GABRP: variants seen among roughly 807,000 people sequenced by gnomAD.
The protein encoded by GABRP is gamma-aminobutyric acid receptor subunit pi.
In GABRP, 52 loss-of-function variants were observed where a neutral mutation model predicts 47.8. That is an observed-to-expected ratio of 1.09 (90% CI 0.87 to 1.37). The LOEUF is 1.37. Ranked by LOEUF, GABRP falls within the 40% of genes most tolerant of loss-of-function variation. GABRP has a pLI of 0.00. For synonymous variants in GABRP, 221 were observed against 205.8 expected (o/e 1.07, Z -0.63); for missense variants, 525 against 542.8 (o/e 0.97, Z 0.33).
chr5:170,809,372 A>AAACACAT (rs1416932025), intron 8 of GABRP, among the ~76,000 whole-genome samples, 196 bp from the exon 9 acceptor site: 1 of 152,236 alleles, frequency 6.6e-6, no homozygotes, highest in African/African-American at 2.4e-5. Flanking sequence ...CATTAAAAAA[A>AAACACAT]AACACATCCC....
rs1405020978 is a variant in GABRP, at chr5:170,807,996, CCATGGA to C, written c.680-600_680-595del. ...CAGGAGCAGAGCTTGGGACTCTAAC[CCATGGA>C]CATATATGTTTTGTGCTACAGTAGC... On this transcript the variant is annotated intron_variant, in intron 7 of 9. Coordinates refer to ENST00000265294, the MANE Select transcript of GABRP (RefSeq NM_014211.3). Among the ~76,000 whole-genome samples, 5 of 152,132 alleles carry C rather than the reference CCATGGA, an allele frequency of 3.3e-5. No homozygotes were observed. The East Asian group carries it at 9.6e-4, about 29-fold the overall frequency.
chr5:170,794,326 CA>C, intron 4 of GABRP, 28 bp downstream of exon 4: 1 of 1,397,802 alleles, frequency 7.2e-7, no homozygotes, highest in Non-Finnish European at 1.0e-6. Context: ...GTACTCTACC[CA>C]AGTAGTCCCT....
In GABRP at chr5:170,788,647, G is replaced by C; in HGVS notation, c.32G>C (p.Cys11Ser). ...TACAGCCTCCACTTGGCCTTCGTGTGTCTGAGTCTCTTCACTGAGAGGTGA... is the reference window on the plus strand; with the variant it reads ...TACAGCCTCCACTTGGCCTTCGTGTCTCTGAGTCTCTTCACTGAGAGGTGA... MNYSLHLAFV[C>S]LSLFTERMCI... Residue 11 changes from cysteine (C) to serine (S), a missense_variant, in exon 2 of 10, where the codon TGT becomes TCT. Transcript: ENST00000265294. The C allele has an allele frequency of 1.2e-6, 2 of 1,614,172 alleles. No homozygotes were observed. The highest frequency in any genetic ancestry group is 1.7e-6 in the Non-Finnish European group (2 of 1,180,026).
At chr5:170,792,634 GT>G (rs1354521178) in intron 3 of GABRP, among the ~76,000 whole-genome samples, 9 of 152,094 alleles carry the variant, frequency 5.9e-5, no homozygotes, top group Admixed American at 5.9e-4. Flanking sequence ...TTAGCACCAG[GT>G]CACTCCAGCA....
intron 6 of GABRP, among the ~76,000 whole-genome samples, chr5:170,802,895 C>T (rs902488673): frequency 1.3e-5 from 2 of 152,174 alleles, no homozygotes; most frequent in Non-Finnish European, 2.9e-5. Context: ...TGTTTGGGTA[C>T]AGAAACCTCA....
At chr5:170,804,392 T>C (rs1765673815) in intron 6 of GABRP, among the ~76,000 whole-genome samples, 1 of 152,158 alleles carries the variant, frequency 6.6e-6, no homozygotes, top group Non-Finnish European at 1.5e-5. Flanking sequence ...AGTGGAATGC[T>C]GGGTCAAATG....
upstream of GABRP, among the ~76,000 whole-genome samples, chr5:170,783,355 G>A (rs1034795964): frequency 6.6e-6 from 1 of 152,176 alleles, no homozygotes; most frequent in Non-Finnish European, 1.5e-5. Context: ...TAGATGGGAA[G>A]CTGAGGCCTA....
At chr5:170,793,262 C>T (rs889370459) in intron 3 of GABRP, among the ~76,000 whole-genome samples, 2 of 152,120 alleles carry the variant, frequency 1.3e-5, no homozygotes, top group South Asian at 2.1e-4. Context: ...TAACTTTTCC[C>T]AAATAAAGAA....
intron 1 of GABRP, among the ~76,000 whole-genome samples, 157 bp downstream of exon 1, chr5:170,784,031 C>A (rs1264301943): frequency 6.6e-6 from 1 of 152,160 alleles, no homozygotes; most frequent in African/African-American, 2.4e-5. Context: ...GCAGCAGAGC[C>A]AAGATTAGAG....
chr5:170,808,468 A>T, intron 7 of GABRP, 132 bp from the exon 8 acceptor site: 1 of 751,816 alleles, frequency 1.3e-6, no homozygotes, highest in Non-Finnish European at 2.1e-6. Flanking sequence ...TGGAAATCAT[A>T]ATGACAGTTC....
rs773215351 is a variant in GABRP, at chr5:170,797,475, A to G, written c.468A>G (p.Thr156=). 3 of 1,609,048 alleles carry G rather than the reference A, an allele frequency of 1.9e-6. No individual in the cohort carries two copies. In the East Asian group the frequency reaches 6.7e-5, roughly 36 times the overall value. Residue 156 remains threonine (T), a synonymous_variant, in exon 6 of 10, where the codon ACA becomes ACG. Coordinates refer to ENST00000265294, the MANE Select transcript of GABRP (RefSeq NM_014211.3). ...GTVLYALRIT[T]TVACNMDLSK... The stretch of plus-strand genomic sequence containing the variant: ...TGTTTTTCCCTCTTAGAATCACGAC[A>G]ACTGTTGCATGTAACATGGATCTGT...
At chr5:170,792,168 C>G (rs952291865) in intron 3 of GABRP, among the ~76,000 whole-genome samples, 2 of 152,154 alleles carry the variant, frequency 1.3e-5, no homozygotes, top group African/African-American at 4.8e-5. Context: ...ATAGGCCAAG[C>G]GCAGTGGCTC....
intron 5 of GABRP, 32 bp downstream of exon 5, chr5:170,795,457 G>C: frequency 6.4e-7 from 1 of 1,566,304 alleles, no homozygotes; most frequent in Non-Finnish European, 8.8e-7. Flanking sequence ...CAGGGGTGGA[G>C]GACGGCAGCT....
Position 170,785,693 on chromosome 5 carries a change from A to G in GABRP, c.-43+1819A>G, listed in dbSNP as rs148911235. On this transcript the variant is annotated intron_variant, in intron 1 of 9. Transcript: ENST00000265294. Reference sequence around the variant, plus strand: ...TTCAAGAGGAGTCTTGGAACTGAAGACTGGATGGTTCCCCAAATCACTTGA... The same window carrying G: ...TTCAAGAGGAGTCTTGGAACTGAAGGCTGGATGGTTCCCCAAATCACTTGA... 4.3e-4 allele frequency among the ~76,000 whole-genome samples: 66 copies of G among 152,326 alleles called. No individual in the cohort carries two copies. In the East Asian group the frequency reaches 0.012, roughly 27 times the overall value.
In GABRP at chr5:170,809,740, G is replaced by A; in HGVS notation, c.1005G>A (p.Met335Ile). 1 of 1,595,556 alleles carries A rather than the reference G, an allele frequency of 6.3e-7. No homozygotes were observed. The highest frequency in any genetic ancestry group is 8.5e-7 in the Non-Finnish European group (1 of 1,171,078). ...CTCACTACAGTTCCTTACAGCAGAT[G>A]GCAGCCAAAGATAGGGTAAGAGTCT... is the stretch of plus-strand genomic sequence containing the variant. ...AVAHYSSLQQ[M>I]AAKDRGTTKE... is the part of the protein sequence containing the mutation. The change falls in exon 9 of 10, where the codon ATG becomes ATA. Residue 335 changes from methionine to isoleucine, a missense_variant. Transcript: ENST00000265294.
At chr5:170,809,849 C>T (rs1765837066) in intron 9 of GABRP, 94 bp downstream of exon 9, 1 of 1,173,796 alleles carries the variant, frequency 8.5e-7, no homozygotes. Context: ...CCCCACCCCA[C>T]CCGCAGTGAT....
At position 170,812,720 on chromosome 5, in the gene GABRP, T is replaced by C. The variant is rs1765923070; in HGVS notation, c.*462T>C. 6.4e-6 allele frequency: 1 copy of C among 156,200 alleles called. No homozygotes were observed. The highest frequency in any genetic ancestry group is 1.4e-5 in the Non-Finnish European group (1 of 70,256). The allele number at this position is 156,200 out of a possible 1,614,324, so 9.7% of individuals were successfully genotyped here. Reference sequence around the variant, plus strand: ...TTAGGGAGTAACATTTTCTAGTTTTTGTTTCTGGTTAAAATGAAATATGGG... The same window carrying C: ...TTAGGGAGTAACATTTTCTAGTTTTCGTTTCTGGTTAAAATGAAATATGGG... On this transcript the variant is annotated 3_prime_UTR_variant, in exon 10 of 10. Transcript: ENST00000265294.
At chr5:170,806,505 C>T (rs1021971225) in intron 7 of GABRP, among the ~76,000 whole-genome samples, 15 of 152,194 alleles carry the variant, frequency 9.9e-5, no homozygotes, top group Non-Finnish European at 2.1e-4. Flanking sequence ...TGCAGTGGCA[C>T]GATCTCAGCT....
At chr5:170,792,747 C>G (rs966016222) in intron 3 of GABRP, among the ~76,000 whole-genome samples, 5 of 152,154 alleles carry the variant, frequency 3.3e-5, no homozygotes, top group Admixed American at 6.5e-5. Context: ...TTTCAAATTC[C>G]TACCTATATC....
Sources: gnomAD v4.1 joint callset for allele counts (sites outside exome capture counted in the v4.1 genomes callset) on GRCh38, gnomAD v4.1.1 for gene constraint, MANE v1.5 for transcripts, NCBI Gene and HGNC (gene_info 2026-07-23, HGNC 2026-07-21) for gene names.